TGFBR3: variants seen among roughly 807,000 people sequenced by gnomAD.
TGFBR3 encodes the protein transforming growth factor beta receptor 3.
TGFBR3 carries 46 observed loss-of-function variants against 87.9 expected under a neutral mutation model. The ratio of observed to expected loss-of-function variants is 0.52; its 90% CI spans 0.41 to 0.67. The LOEUF (loss-of-function observed/expected upper bound fraction) is 0.67, where lower values mean the gene tolerates loss of function less well. Ranked by LOEUF, TGFBR3 falls within the 30% of genes least tolerant of loss-of-function variation. The pLI, the probability that TGFBR3 is intolerant of heterozygous loss-of-function variation, is 0.00. For missense variants in TGFBR3, 866 were observed against 1,041.9 expected, an observed-to-expected ratio of 0.83 and a Z score of 2.32; for synonymous variants, 381 against 391.6, an observed-to-expected ratio of 0.97 and a Z score of 0.32.
rs544876865 is a variant in TGFBR3, at chr1:91,825,616, G to T, written c.62-28145C>A. ...TAAAAATGATTGTACACTTTAAAGAGGTGAATTGTATGGTATGTGTATTAT... is the reference window on the plus strand; with the variant it reads ...TAAAAATGATTGTACACTTTAAAGATGTGAATTGTATGGTATGTGTATTAT... On this transcript the variant is annotated intron_variant, in intron 2 of 16. Transcript: ENST00000212355. Among the ~76,000 whole-genome samples, 69 of 152,308 alleles carry T rather than the reference G, an allele frequency of 4.5e-4. 1 individual carries two copies. The highest frequency in any genetic ancestry group is 1.6e-3 in the African/African-American group (66 of 41,554).
intron 1 of TGFBR3, 145 bp downstream of exon 1, chr1:91,885,733 C>T (rs1312032595): frequency 5.4e-6 from 1 of 185,116 alleles, no homozygotes; most frequent in Non-Finnish European, 1.1e-5. Flanking sequence ...GCCTCCCTCC[C>T]AAGGCCGGAG....
At chr1:91,869,737 A>G (rs770138229) in intron 1 of TGFBR3, among the ~76,000 whole-genome samples, 33 of 152,236 alleles carry the variant, frequency 2.2e-4, no homozygotes, top group Non-Finnish European at 4.1e-4. Flanking sequence ...AGAGTTATGT[A>G]TAAGAACCTC....
chr1:91,830,557 T>C (rs1644303561), intron 2 of TGFBR3, among the ~76,000 whole-genome samples: 1 of 152,124 alleles, frequency 6.6e-6, no homozygotes, highest in Non-Finnish European at 1.5e-5. Flanking sequence ...TTCCTAGGCT[T>C]CTGTGAACAG....
intron 3 of TGFBR3, among the ~76,000 whole-genome samples, chr1:91,761,653 A>G (rs1673967723): frequency 6.6e-6 from 1 of 152,138 alleles, no homozygotes. Context: ...CAACCAAAAC[A>G]GCTAACAAAA....
At chr1:91,783,598 C>A (rs958555842) in intron 3 of TGFBR3, among the ~76,000 whole-genome samples, 2 of 152,140 alleles carry the variant, frequency 1.3e-5, no homozygotes, top group African/African-American at 4.8e-5. Flanking sequence ...CTCTTCTGGC[C>A]GACACACAAC....
Position 91,683,937 on chromosome 1 carries a change from G to A in TGFBR3, c.2438-80C>T, listed in dbSNP as rs910971532. On this transcript the variant is annotated intron_variant, in intron 16 of 16. Transcript: ENST00000212355. ...CATTCCTGAAAAGATCATTTATTCC[G>A]CATTTGCCATTTTAACTGATATTTT... is the stretch of plus-strand genomic sequence containing the variant. 7.1e-5 allele frequency: 95 copies of A among 1,337,508 alleles called. No individual in the cohort carries two copies. The African/African-American group carries it at 8.1e-4, about 11-fold the overall frequency. The allele number at this position is 1,337,508 out of a possible 1,614,324, so 82.9% of individuals were successfully genotyped here.
intron 5 of TGFBR3, among the ~76,000 whole-genome samples, chr1:91,734,045 GGAGGGAGA>G (rs201158351): frequency 6.6e-5 from 5 of 76,262 alleles, no homozygotes; most frequent in East Asian, 4.3e-4. Context: ...AGGAAGGAAG[GGAGGGAGA>G]GAGGGAGGGA....
At chr1:91,789,064 G>A (rs370816718) in intron 3 of TGFBR3, among the ~76,000 whole-genome samples, 125 of 152,282 alleles carry the variant, frequency 8.2e-4, no homozygotes, top group African/African-American at 2.4e-3. Context: ...TTGGGAAGCC[G>A]AGGCTGACGG....
chr1:91,733,190 T>G (rs764219554), intron 5 of TGFBR3, among the ~76,000 whole-genome samples: 9 of 152,220 alleles, frequency 5.9e-5, no homozygotes, highest in Non-Finnish European at 1.2e-4. Flanking sequence ...TTCATCCAGG[T>G]GGACCACTTC....
Position 91,734,850 on chromosome 1 carries a change from C to T in TGFBR3, c.494G>A (p.Arg165Gln), listed in dbSNP as rs148843052. 3.1e-5 allele frequency: 50 copies of T among 1,614,070 alleles called. No individual in the cohort carries two copies. The highest frequency in any genetic ancestry group is 1.0e-4 in the Admixed American group (6 of 60,012). The change falls in exon 5 of 17, where the codon CGA becomes CAA. Residue 165 changes from arginine to glutamine, a missense_variant. Coordinates refer to ENST00000212355, the MANE Select transcript of TGFBR3 (RefSeq NM_003243.5). The stretch of plus-strand genomic sequence containing the variant: ...TGAAGTAACTGCTCCATACTCTTTT[C>T]GGGCCCAATTTAACAGATGTTCATT... The part of the protein sequence containing the change: ...HGNEHLLNWA[R>Q]KEYGAVTSFT...
chr1:91,790,290 A>G (rs1243812130), intron 3 of TGFBR3, among the ~76,000 whole-genome samples: 1 of 152,238 alleles, frequency 6.6e-6, no homozygotes, highest in African/African-American at 2.4e-5. Flanking sequence ...TATTCAGCAT[A>G]GTAACATGCT....
chr1:91,700,778 T>C (rs1010259865), intron 14 of TGFBR3, among the ~76,000 whole-genome samples: 1 of 152,212 alleles, frequency 6.6e-6, no homozygotes, highest in African/African-American at 2.4e-5. Context: ...TACATTTGTA[T>C]GGTGTTTTGC....
At chr1:91,718,876 A>G (rs1672265577) in intron 10 of TGFBR3, among the ~76,000 whole-genome samples, 1 of 152,172 alleles carries the variant, frequency 6.6e-6, no homozygotes, top group African/African-American at 2.4e-5. Context: ...TTCATGAAGG[A>G]GGGAGAAGTT....
intron 1 of TGFBR3, among the ~76,000 whole-genome samples, chr1:91,866,059 C>CA (rs1678386518): frequency 6.6e-6 from 1 of 152,200 alleles, no homozygotes; most frequent in Admixed American, 6.5e-5. Flanking sequence ...CACATGCCCT[C>CA]ATGACCCAAC....
chr1:91,732,779 G>T (rs1672822274), intron 5 of TGFBR3, among the ~76,000 whole-genome samples: 1 of 152,122 alleles, frequency 6.6e-6, no homozygotes, highest in African/African-American at 2.4e-5. Flanking sequence ...CAGACACAAG[G>T]TCCTTTAAGT....
chr1:91,740,478 C>T (rs1310016158), intron 4 of TGFBR3, among the ~76,000 whole-genome samples: 6 of 152,058 alleles, frequency 3.9e-5, no homozygotes, highest in East Asian at 1.9e-4. Flanking sequence ...GATTCTCCTG[C>T]CTCAGCCTCC....
At chr1:91,777,594 TCTAGCCCCAGCC>T (rs1284394979) in intron 3 of TGFBR3, among the ~76,000 whole-genome samples, 6 of 68,870 alleles carry the variant, frequency 8.7e-5, no homozygotes, top group Admixed American at 2.1e-4. Flanking sequence ...CAACCCCAGC[TCTAGCCCCAGCC>T]CTAGCCCCAG....
At chr1:91,801,096 AAAAAGAG>A in intron 2 of TGFBR3, 2 of 222,458 alleles carry the variant, frequency 9.0e-6, no homozygotes, top group South Asian at 4.7e-5. Context: ...AAAAAAAAAA[AAAAAGAG>A]AGAGAGAGAG....
Position 91,719,973 on chromosome 1 carries a change from GCAC to G in TGFBR3, c.1330_1332del (p.Val444del). The G allele has an allele frequency of 1.2e-6, 2 of 1,614,162 alleles. No homozygotes were observed. The highest frequency in any genetic ancestry group is 1.7e-6 in the Non-Finnish European group (2 of 1,180,032). On this transcript the variant is annotated inframe_deletion, in exon 9 of 17. Coordinates refer to ENST00000212355, the MANE Select transcript of TGFBR3 (RefSeq NM_003243.5). ...GACAGGGCAATATCCACGCTCCCTT[GCAC>G]CTCTTCTGGCTCTCTGAGACCAGGA... is the stretch of plus-strand genomic sequence containing the variant.
Sources: allele counts gnomAD v4.1 joint callset (sites outside exome capture counted in the v4.1 genomes callset), GRCh38; gene constraint gnomAD v4.1.1; transcripts MANE v1.5; gene names NCBI Gene and HGNC (gene_info 2026-07-23, HGNC 2026-07-21).